The following PRKCA variants were observed in gnomAD, a reference collection of about 807,000 sequenced individuals.
PRKCA encodes protein kinase C alpha type.
Under a neutral mutation model 87.0 loss-of-function variants are expected in PRKCA, and 27 were observed. The ratio of observed to expected loss-of-function variants is 0.31; its 90% confidence interval spans 0.23 to 0.43. The LOEUF (loss-of-function observed/expected upper bound fraction) is 0.43. Ranked by LOEUF, PRKCA falls within the 20% of genes least tolerant of loss-of-function variation. The pLI is 1.00. For missense variants in PRKCA, 518 were observed against 852.3 expected (o/e 0.61, Z 4.88); for synonymous variants, 329 against 311.1 (o/e 1.06, Z -0.61).
rs547780592 is a variant in PRKCA at position 66,786,476 on chromosome 17, C to T, written c.1606-391C>T. On this transcript the variant is annotated intron_variant, in intron 14 of 16. Transcript: ENST00000413366. ...AAATGAAAGTGTTGGCATTTTCTAC[C>T]GGCCACCCCCACCTTCTGACCACAA... 7.9e-5 allele frequency among the ~76,000 whole-genome samples: 12 copies of T among 152,282 alleles called. No homozygotes were observed. In the South Asian group the frequency reaches 1.7e-3, roughly 21 times the overall value.
chr17:66,716,943 T>TA (rs1973491780), intron 8 of PRKCA, among the ~76,000 whole-genome samples: 2 of 151,712 alleles, frequency 1.3e-5, no homozygotes, highest in Non-Finnish European at 2.9e-5. Context: ...GTGTTGCCCT[T>TA]ACATTTTGCT....
chr17:66,540,285 G>A (rs745313019), intron 3 of PRKCA, among the ~76,000 whole-genome samples: 4 of 152,218 alleles, frequency 2.6e-5, no homozygotes, highest in Admixed American at 6.5e-5. Flanking sequence ...GAGACAAAGG[G>A]TAACATTCAG....
At chr17:66,360,439 T>G (rs1908320128) in intron 2 of PRKCA, among the ~76,000 whole-genome samples, 1 of 152,222 alleles carries the variant, frequency 6.6e-6, no homozygotes, top group African/African-American at 2.4e-5. Flanking sequence ...CACAGTATTC[T>G]CTGACGAGTG....
intron 2 of PRKCA, among the ~76,000 whole-genome samples, chr17:66,334,033 C>G (rs1256829295): frequency 6.6e-6 from 1 of 152,080 alleles, no homozygotes; most frequent in East Asian, 1.9e-4. Context: ...GGTGGATCAC[C>G]TGAGATCAGG....
intron 3 of PRKCA, among the ~76,000 whole-genome samples, chr17:66,511,955 A>G (rs1425045781): frequency 1.3e-5 from 2 of 152,096 alleles, no homozygotes; most frequent in Non-Finnish European, 2.9e-5. Flanking sequence ...TGCTGGGATT[A>G]CAGGCATGAG....
intron 2 of PRKCA, among the ~76,000 whole-genome samples, chr17:66,440,750 G>T: frequency 6.6e-6 from 1 of 152,124 alleles, no homozygotes; most frequent in East Asian, 1.9e-4. Flanking sequence ...GATTGGTTGG[G>T]CATGATGACT....
At chr17:66,595,417 C>T (rs1250902770) in intron 3 of PRKCA, among the ~76,000 whole-genome samples, 1 of 151,170 alleles carries the variant, frequency 6.6e-6, no homozygotes, top group African/African-American at 2.4e-5. Flanking sequence ...TCAAGATCCT[C>T]AACTTAGGTA....
chr17:66,778,941 C>G (rs1975135306), intron 14 of PRKCA, among the ~76,000 whole-genome samples: 1 of 152,074 alleles, frequency 6.6e-6, no homozygotes, highest in Admixed American at 6.6e-5. Context: ...TAAATCTCCA[C>G]CTCACCCGCC....
intron 3 of PRKCA, among the ~76,000 whole-genome samples, chr17:66,540,459 G>C (rs1316951475): frequency 3.9e-5 from 6 of 152,154 alleles, no homozygotes; most frequent in Non-Finnish European, 7.3e-5. Context: ...ATCCAAAGAG[G>C]GACGTCTCCC....
intron 2 of PRKCA, among the ~76,000 whole-genome samples, chr17:66,466,411 G>A (rs1326587153): frequency 2.6e-5 from 4 of 152,176 alleles, no homozygotes; most frequent in African/African-American, 9.6e-5. Context: ...CAAGCCACGG[G>A]CCTTGGGAAG....
chr17:66,711,058 A>C (rs551731576), intron 8 of PRKCA, among the ~76,000 whole-genome samples: 2 of 151,132 alleles, frequency 1.3e-5, no homozygotes, highest in African/African-American at 4.9e-5. Flanking sequence ...TAAATAAATA[A>C]AATAAATAAA....
At chr17:66,396,829 G>A (rs900171905) in intron 2 of PRKCA, among the ~76,000 whole-genome samples, 10 of 147,932 alleles carry the variant, frequency 6.8e-5, no homozygotes, top group African/African-American at 2.5e-4. Context: ...ACCCTCTATT[G>A]TTGTTTTTTA....
chr17:66,388,804 C>T (rs1910207700), intron 2 of PRKCA, among the ~76,000 whole-genome samples: 1 of 152,140 alleles, frequency 6.6e-6, no homozygotes, highest in Admixed American at 6.5e-5. Flanking sequence ...AGAGACGGCA[C>T]TTGTGTGGGT....
At chr17:66,342,358 G>A (rs1452478796) in intron 2 of PRKCA, among the ~76,000 whole-genome samples, 1 of 151,672 alleles carries the variant, frequency 6.6e-6, no homozygotes, top group African/African-American at 2.4e-5. Context: ...GGAGGCGGAG[G>A]TTGCAGTGAG....
chr17:66,302,837 T>TG lies in PRKCA; in HGVS notation c.-13dup. Reference sequence around the variant, plus strand: ...GCAGCTCCCCGGCGGAGGCAAGAGGTGGTTGGGGGGGACCATGGCTGACGT... The same window carrying TG: ...GCAGCTCCCCGGCGGAGGCAAGAGGTGGGTTGGGGGGGACCATGGCTGACGT... On this transcript the variant is annotated 5_prime_UTR_variant, in exon 1 of 17. Coordinates refer to ENST00000413366, the MANE Select transcript of PRKCA (RefSeq NM_002737.3). The TG allele has an allele frequency of 7.5e-6, 11 of 1,466,488 alleles. No homozygotes were observed. Among genetic ancestry groups the TG allele is most frequent in the East Asian group, 3.1e-5 (1 of 32,404 alleles). The allele number at this position is 1,466,488 out of a possible 1,614,324, so 90.8% of individuals were successfully genotyped here. A position where few individuals can be genotyped will look rare whatever the true frequency, so the allele number is the denominator to read the frequency against.
chr17:66,569,357 G>A (rs1968997386), intron 3 of PRKCA, among the ~76,000 whole-genome samples: 1 of 106,590 alleles, frequency 9.4e-6, no homozygotes, highest in Non-Finnish European at 1.8e-5. Context: ...ATCGCCTGAG[G>A]TCAGGCGTTC....
chr17:66,663,750 T>G (rs915713405), intron 5 of PRKCA, among the ~76,000 whole-genome samples: 1 of 152,200 alleles, frequency 6.6e-6, no homozygotes, highest in Non-Finnish European at 1.5e-5. Flanking sequence ...CAGGACTGAA[T>G]AGTGACACCT....
chr17:66,420,627 G>A (rs964069925), intron 2 of PRKCA, among the ~76,000 whole-genome samples: 1 of 152,092 alleles, frequency 6.6e-6, no homozygotes, highest in African/African-American at 2.4e-5. Context: ...AGGTAGGCTC[G>A]GCTACGATAT....
intron 2 of PRKCA, among the ~76,000 whole-genome samples, chr17:66,336,643 A>AAAT (rs777982270): frequency 7.6e-6 from 1 of 131,908 alleles, no homozygotes; most frequent in Non-Finnish European, 1.5e-5. Flanking sequence ...GTTATATAGT[A>AAAT]AATTATTAAA....
Sources: allele counts gnomAD v4.1 joint callset (sites outside exome capture counted in the v4.1 genomes callset), GRCh38; gene constraint gnomAD v4.1.1; transcripts MANE v1.5; gene names NCBI Gene and HGNC (gene_info 2026-07-23, HGNC 2026-07-21).